Variants in NUP107 observed in about 807,000 individuals in gnomAD.
NUP107 encodes the protein nucleoporin 107.
Under a neutral mutation model 141.0 loss-of-function variants are expected in NUP107, and 101 were observed. That is an observed-to-expected ratio of 0.72 (90% CI 0.61 to 0.84). The LOEUF is 0.84. Among genes scored for constraint, NUP107 ranks in the 40% least tolerant of loss-of-function variants. NUP107 has a pLI of 0.00. For missense variants in NUP107, 941 were observed against 1,102.7 expected, an observed-to-expected ratio of 0.85 and a Z score of 2.08; for synonymous variants, 319 against 363.9, an observed-to-expected ratio of 0.88 and a Z score of 1.41.
intron 26 of NUP107, among the ~76,000 whole-genome samples, chr12:68,738,800 C>A (rs904999344): frequency 1.1e-4 from 17 of 152,176 alleles, no homozygotes; most frequent in African/African-American, 4.1e-4. Context: ...TCCGTGGCTT[C>A]TCACTGTTCT....
chr12:68,730,375 C>G (rs895250288), intron 20 of NUP107, among the ~76,000 whole-genome samples: 2 of 151,702 alleles, frequency 1.3e-5, no homozygotes, highest in Non-Finnish European at 2.9e-5. Flanking sequence ...TGCGCCACCA[C>G]GCCTGGCTAA....
intron 17 of NUP107, among the ~76,000 whole-genome samples, chr12:68,723,153 C>T (rs1327718017): frequency 3.3e-5 from 5 of 152,000 alleles, no homozygotes; most frequent in Non-Finnish European, 4.4e-5. Flanking sequence ...ATGGGAGGAT[C>T]ACTTGAGGCC....
intron 8 of NUP107, among the ~76,000 whole-genome samples, chr12:68,708,755 A>G (rs577054486): frequency 6.6e-6 from 1 of 151,976 alleles, no homozygotes; most frequent in African/African-American, 2.4e-5. Context: ...AGTAGCTGGG[A>G]TTACAGGCTT....
At chr12:68,711,205 G>T (rs1408143196) in intron 10 of NUP107, among the ~76,000 whole-genome samples, 2 of 152,006 alleles carry the variant, frequency 1.3e-5, no homozygotes, top group Non-Finnish European at 2.9e-5. Context: ...CAAAAAATTA[G>T]CCAGGCGTGG....
chr12:68,728,148 G>T (rs539778263), intron 20 of NUP107, among the ~76,000 whole-genome samples: 2 of 151,836 alleles, frequency 1.3e-5, no homozygotes, highest in African/African-American at 4.8e-5. Flanking sequence ...AATTAGCAGG[G>T]CACAGTGGTT....
intron 3 of NUP107, chr12:68,689,910 G>A: frequency 4.0e-6 from 1 of 251,886 alleles, no homozygotes; most frequent in Non-Finnish European, 7.5e-6. Flanking sequence ...GCTGGATGCA[G>A]TGGCCCATGC....
In NUP107 at chr12:68,689,613, C is replaced by G; in HGVS notation, c.181C>G (p.Gln61Glu). The G allele has an allele frequency of 6.2e-7, 1 of 1,606,820 alleles. No individual in the cohort carries two copies. Among genetic ancestry groups the G allele is most frequent in the South Asian group, 1.1e-5 (1 of 89,516 alleles). Residue 61 changes from glutamine (Q) to glutamate (E), a missense_variant, in exon 3 of 28, where the codon CAG (glutamine) becomes GAG (glutamate). Physicochemically the swap from Gln to Glu is conservative, Grantham distance 29. Coordinates refer to ENST00000229179, the MANE Select transcript of NUP107 (RefSeq NM_020401.4). The part of the protein sequence containing the change: ...VIPRTPSSFR[Q>E]PFTPTSRSLL... ...CCCTCGAACTCCTAGCTCATTTCGA[C>G]AGCCTTGTAAGATTTTTTGCTTTTA...
intron 6 of NUP107, 26 bp from the exon 7 acceptor site, chr12:68,700,700 T>C (rs1876287129): frequency 7.3e-6 from 11 of 1,511,136 alleles, no homozygotes; most frequent in Non-Finnish European, 8.8e-6. Context: ...AAAATTAACC[T>C]CTTTACATCT....
chr12:68,737,190 A>G (rs895430098), intron 26 of NUP107, among the ~76,000 whole-genome samples: 3 of 152,208 alleles, frequency 2.0e-5, no homozygotes, highest in Non-Finnish European at 4.4e-5. Flanking sequence ...TGCTTTATTT[A>G]TACATACATC....
At chr12:68,702,668 T>C in intron 7 of NUP107, 68 bp from the exon 8 acceptor site, 1 of 1,078,836 alleles carries the variant, frequency 9.3e-7, no homozygotes, top group Non-Finnish European at 1.3e-6. Context: ...TTCTCTCAGA[T>C]GCTCAGTGGC....
intron 20 of NUP107, among the ~76,000 whole-genome samples, chr12:68,728,171 C>G (rs1382887829): frequency 6.6e-6 from 1 of 151,646 alleles, no homozygotes; most frequent in African/African-American, 2.4e-5. Flanking sequence ...TATCTGTAAA[C>G]CCAGCTACTC....
chr12:68,743,814 C>CT lies in NUP107; in HGVS notation c.*1359dup, dbSNP rs1005335673. On this transcript the variant is annotated 3_prime_UTR_variant, in exon 28 of 28. Coordinates refer to ENST00000229179, the MANE Select transcript of NUP107 (RefSeq NM_020401.4). ...AATTTGATCAGTTCTATATTATGTGCTTTTTTTGTTTTATTTCTCTAAAGA... is the reference window on the plus strand; with the variant it reads ...AATTTGATCAGTTCTATATTATGTGCTTTTTTTTGTTTTATTTCTCTAAAGA... The CT allele has an allele frequency of 1.8e-4, 27 of 152,086 alleles. No individual in the cohort carries two copies. Among genetic ancestry groups the CT allele is most frequent in the African/African-American group, 6.3e-4 (26 of 41,416 alleles). 9.4% of individuals were successfully genotyped at this position (152,086 alleles called of 1,614,324 possible).
chr12:68,712,708 T>C (rs1408089597), intron 10 of NUP107, among the ~76,000 whole-genome samples: 1 of 151,880 alleles, frequency 6.6e-6, no homozygotes, highest in African/African-American at 2.4e-5. Context: ...TAATCTCCTT[T>C]TTTTTGCTGA....
At chr12:68,721,030 AAG>A in intron 14 of NUP107, 86 bp from the exon 15 acceptor site, 1 of 809,970 alleles carries the variant, frequency 1.2e-6, no homozygotes, top group Non-Finnish European at 2.1e-6. Context: ...TTCAGTCTAG[AAG>A]AGTTTGCAAG....
intron 8 of NUP107, chr12:68,706,054 G>A (rs1209616030): frequency 6.2e-6 from 5 of 805,450 alleles, no homozygotes; most frequent in South Asian, 5.3e-5. Flanking sequence ...CAACATGTTC[G>A]AGAGCTACAT....
At chr12:68,709,715 G>T (rs189269679) in intron 9 of NUP107, among the ~76,000 whole-genome samples, 1 of 151,544 alleles carries the variant, frequency 6.6e-6, no homozygotes, top group Admixed American at 6.6e-5. Flanking sequence ...GTGAAACCCC[G>T]TCTCTACTAA....
chr12:68,722,430 T>G (rs2136033840), intron 17 of NUP107, among the ~76,000 whole-genome samples: 1 of 152,280 alleles, frequency 6.6e-6, no homozygotes, highest in East Asian at 1.9e-4. Flanking sequence ...AGACTTTATT[T>G]TCCTAGATCT....
At chr12:68,716,241 C>CTTTTTT (rs370681977) in intron 12 of NUP107, among the ~76,000 whole-genome samples, 24 of 116,726 alleles carry the variant, frequency 2.1e-4, no homozygotes, top group South Asian at 1.2e-3. Context: ...TTCTTTCTTT[C>CTTTTTT]TTTCTTTTTT....
chr12:68,734,297 C>CA (rs575961353), intron 24 of NUP107, among the ~76,000 whole-genome samples: 26 of 148,590 alleles, frequency 1.7e-4, no homozygotes, highest in Non-Finnish European at 2.2e-4. Flanking sequence ...GTCTCAAAAA[C>CA]AAAAAAAAAA....
Sources: gnomAD v4.1 joint callset for allele counts (sites outside exome capture counted in the v4.1 genomes callset) on GRCh38, gnomAD v4.1.1 for gene constraint, MANE v1.5 for transcripts, NCBI Gene and HGNC (gene_info 2026-07-23, HGNC 2026-07-21) for gene names.